Variants in GTPBP10 observed in about 807,000 individuals in gnomAD.
The protein encoded by GTPBP10 is GTP binding protein 10, also known as GTP-binding protein 10.
A neutral mutation model predicts 44.8 loss-of-function variants in GTPBP10; 38 were observed. The ratio of observed to expected loss-of-function variants is 0.85; its 90% CI spans 0.65 to 1.11. The LOEUF (loss-of-function observed/expected upper bound fraction) is 1.11, where lower values mean the gene tolerates loss of function less well. Ranked by LOEUF, GTPBP10 falls within the 50% of genes most tolerant of loss-of-function variation. The pLI, the probability that GTPBP10 is intolerant of heterozygous loss-of-function variation, is 0.00. For synonymous variants in GTPBP10, 152 were observed against 150.6 expected (o/e 1.01, Z -0.07); for missense variants, 462 against 453.7 (o/e 1.02, Z -0.17).
chr7:90,347,526 A>G (rs1584623406), intron 1 of GTPBP10: 1 of 557,950 alleles, frequency 1.8e-6, no homozygotes, highest in Non-Finnish European at 2.3e-6. Context: ...TTTGTTTTTT[A>G]TAATAGCTAT....
chr7:90,348,573 T>A (rs1795726479), intron 1 of GTPBP10, among the ~76,000 whole-genome samples: 1 of 145,982 alleles, frequency 6.9e-6, no homozygotes. Flanking sequence ...TCATGTTGAA[T>A]AGACTGAGGA....
At chr7:90,366,600 AT>A (rs1405756905) in intron 4 of GTPBP10, among the ~76,000 whole-genome samples, 1 of 151,506 alleles carries the variant, frequency 6.6e-6, no homozygotes, top group East Asian at 1.9e-4. Flanking sequence ...GGTAATTTGT[AT>A]TTCTGTGGGA....
At position 90,382,950 on chromosome 7, in the gene GTPBP10, T is replaced by G; in HGVS notation, c.778-6T>G. On this transcript the variant is annotated splice_polypyrimidine_tract_variant and splice_region_variant and intron_variant, in intron 8 of 9. Transcript: ENST00000222511. The stretch of plus-strand genomic sequence containing the variant: ...AAATTATTGGGTTTTCTCTTTTGAT[T>G]TAAAGGAGTTGGAATTGTACAAAGA... The G allele has an allele frequency of 2.0e-6, 3 of 1,503,832 alleles. No homozygotes were observed. Among genetic ancestry groups the G allele is most frequent in the Non-Finnish European group, 2.7e-6 (3 of 1,115,606 alleles). The allele number at this position is 1,503,832 out of a possible 1,614,324, so 93.2% of individuals were successfully genotyped here.
At chr7:90,355,437 G>A (rs1584629322) in intron 4 of GTPBP10, among the ~76,000 whole-genome samples, 1 of 152,098 alleles carries the variant, frequency 6.6e-6, no homozygotes, top group South Asian at 2.1e-4. Flanking sequence ...ATAAAATTAA[G>A]ACCAGAGCAA....
intron 4 of GTPBP10, among the ~76,000 whole-genome samples, chr7:90,363,081 T>C (rs1796060034): frequency 7.6e-6 from 1 of 132,112 alleles, no homozygotes; most frequent in Admixed American, 7.5e-5. Flanking sequence ...GTCTTGACTC[T>C]TTATCCAATT....
At chr7:90,347,299 A>G (rs1795696507) in intron 1 of GTPBP10, among the ~76,000 whole-genome samples, 1 of 152,188 alleles carries the variant, frequency 6.6e-6, no homozygotes, top group Non-Finnish European at 1.5e-5. Context: ...TTATCCTATC[A>G]GTAATGCTTT....
At chr7:90,359,037 A>G (rs1305683635) in intron 4 of GTPBP10, among the ~76,000 whole-genome samples, 1 of 152,208 alleles carries the variant, frequency 6.6e-6, no homozygotes, top group African/African-American at 2.4e-5. Context: ...TTAAAACCAC[A>G]ATGATTTACC....
chr7:90,363,337 C>T (rs1382894319), intron 4 of GTPBP10, among the ~76,000 whole-genome samples: 1 of 152,124 alleles, frequency 6.6e-6, no homozygotes, highest in African/African-American at 2.4e-5. Context: ...CTGGTGTTGA[C>T]AAAATCTCTC....
chr7:90,366,142 G>T (rs959365835), intron 4 of GTPBP10, among the ~76,000 whole-genome samples: 1 of 152,152 alleles, frequency 6.6e-6, no homozygotes, highest in Non-Finnish European at 1.5e-5. Flanking sequence ...TAAGCTTTTT[G>T]ATGTGCTGCT....
intron 4 of GTPBP10, among the ~76,000 whole-genome samples, chr7:90,366,010 T>C (rs1490943949): frequency 6.6e-6 from 1 of 152,264 alleles, no homozygotes; most frequent in African/African-American, 2.4e-5. Context: ...TTTCTGCATC[T>C]ATTGAGATAA....
intron 4 of GTPBP10, among the ~76,000 whole-genome samples, chr7:90,359,334 C>G (rs1795968284): frequency 6.6e-6 from 1 of 152,064 alleles, no homozygotes; most frequent in Non-Finnish European, 1.5e-5. Context: ...TGATGTTCCC[C>G]ACCATGTGTC....
intron 8 of GTPBP10, among the ~76,000 whole-genome samples, chr7:90,378,938 G>A (rs1796391240): frequency 6.6e-6 from 1 of 152,082 alleles, no homozygotes; most frequent in Admixed American, 6.6e-5. Context: ...CCTGACCACA[G>A]GTAATCCACC....
intron 4 of GTPBP10, among the ~76,000 whole-genome samples, chr7:90,361,137 C>T (rs1176652015): frequency 6.6e-6 from 1 of 152,174 alleles, no homozygotes; most frequent in Non-Finnish European, 1.5e-5. Flanking sequence ...CTTTCTCCTT[C>T]CTGATTGCCC....
intron 8 of GTPBP10, among the ~76,000 whole-genome samples, chr7:90,382,055 A>G (rs1006003001): frequency 3.9e-5 from 6 of 152,280 alleles, no homozygotes; most frequent in Non-Finnish European, 7.3e-5. Context: ...ATAGACAAGT[A>G]GGATTGCATC....
rs530393638 is a variant in GTPBP10 at position 90,387,693 on chromosome 7, T to C, written c.*2539T>C. On this transcript the variant is annotated 3_prime_UTR_variant, in exon 10 of 10. Transcript: ENST00000222511. ...ACTGTCCAAGGTGCTGTATGTGCCA[T>C]GTTGAAGAGAACAGACAGGACCTAC... 12 of 152,358 alleles carry C rather than the reference T, an allele frequency of 7.9e-5. No individual in the cohort carries two copies. The highest frequency in any genetic ancestry group is 1.9e-4 in the East Asian group (1 of 5,192). The allele number at this position is 152,358 out of a possible 1,614,324, so 9.4% of individuals were successfully genotyped here.
At position 90,355,858 on chromosome 7, in the gene GTPBP10, G is replaced by T. The variant is rs138877993; in HGVS notation, c.464+628G>T. On this transcript the variant is annotated intron_variant, in intron 4 of 9. Coordinates refer to ENST00000222511, the MANE Select transcript of GTPBP10 (RefSeq NM_033107.4). ...ATTAAATAATGCTGTTTAGCTGTGGGGTTTGCAGTGCAGCTGCCCACTGGA... is the reference window on the plus strand; with the variant it reads ...ATTAAATAATGCTGTTTAGCTGTGGTGTTTGCAGTGCAGCTGCCCACTGGA... Among the ~76,000 whole-genome samples the T allele has an allele frequency of 8.0e-3, 1,219 of 152,212 alleles. 6 individuals carry two copies. Among genetic ancestry groups the T allele is most frequent in the South Asian group, 0.014 (69 of 4,826 alleles).
At chr7:90,357,829 A>G (rs995131751) in intron 4 of GTPBP10, among the ~76,000 whole-genome samples, 1 of 152,184 alleles carries the variant, frequency 6.6e-6, no homozygotes, top group Non-Finnish European at 1.5e-5. Flanking sequence ...GAAATTTAGC[A>G]GTATAATCAA....
chr7:90,367,459 T>A (rs2115699994), intron 4 of GTPBP10, among the ~76,000 whole-genome samples: 1 of 152,316 alleles, frequency 6.6e-6, no homozygotes, highest in Admixed American at 6.5e-5. Context: ...TGAATCTGGG[T>A]GCTTTTGTAT....
At chr7:90,373,369 G>A (rs1445372618) in intron 5 of GTPBP10, among the ~76,000 whole-genome samples, 6 of 152,184 alleles carry the variant, frequency 3.9e-5, no homozygotes, top group Non-Finnish European at 4.4e-5. Context: ...GGCTCTTGTG[G>A]TAGCTAGATG....
Sources: allele counts gnomAD v4.1 joint callset (sites outside exome capture counted in the v4.1 genomes callset), GRCh38; gene constraint gnomAD v4.1.1; transcripts MANE v1.5; gene names NCBI Gene and HGNC (gene_info 2026-07-23, HGNC 2026-07-21).